MDN1: variants seen among roughly 807,000 people sequenced by gnomAD.
The protein encoded by MDN1 is midasin AAA ATPase 1, also known as midasin.
A neutral mutation model predicts 669.2 loss-of-function variants in MDN1; 266 were observed. The observed-to-expected ratio is 0.40, with a 90% CI of 0.36 to 0.44. The LOEUF (loss-of-function observed/expected upper bound fraction) is 0.44, where lower values mean the gene tolerates loss of function less well. MDN1 is among the 20% of genes least tolerant of loss of function. The pLI is 1.00. For missense variants in MDN1, 5,940 were observed against 6,754.0 expected (o/e 0.88, Z 4.22); for synonymous variants, 2,385 against 2,457.1 (o/e 0.97, Z 0.87).
intron 53 of MDN1, among the ~76,000 whole-genome samples, chr6:89,705,039 A>ACCTC (rs1399148013): frequency 6.6e-6 from 1 of 152,012 alleles, no homozygotes; most frequent in Non-Finnish European, 1.5e-5. Context: ...CTCCTTTCCA[A>ACCTC]CCTCCTAACT....
chr6:89,683,948 T>C (rs1811824817), intron 71 of MDN1, 44 bp from the exon 72 acceptor site: 1 of 1,406,316 alleles, frequency 7.1e-7, no homozygotes, highest in Non-Finnish European at 1.0e-6. Context: ...ATAAAGCTAG[T>C]GTCATTCTGT....
At chr6:89,728,874 GAC>G in intron 36 of MDN1, 55 bp downstream of exon 36, 1 of 1,507,982 alleles carries the variant, frequency 6.6e-7, no homozygotes, top group Non-Finnish European at 9.1e-7. Flanking sequence ...AATATAAATT[GAC>G]ACAGACATTA....
At chr6:89,793,611 A>T in intron 5 of MDN1, 151 bp downstream of exon 5, 2 of 586,976 alleles carry the variant, frequency 3.4e-6, no homozygotes, top group Non-Finnish European at 5.6e-6. Context: ...GAAAAGCCCA[A>T]GATGAATTTC....
intron 99 of MDN1, 129 bp from the exon 100 acceptor site, chr6:89,646,732 CT>C (rs1251492201): frequency 9.8e-6 from 7 of 714,772 alleles, no homozygotes; most frequent in Non-Finnish European, 1.5e-5. Context: ...AGACCATCAA[CT>C]AACTGTCCCT....
At chr6:89,674,790 A>C (rs1811072709) in intron 78 of MDN1, among the ~76,000 whole-genome samples, 1 of 152,204 alleles carries the variant, frequency 6.6e-6, no homozygotes, top group Non-Finnish European at 1.5e-5. Flanking sequence ...TTTCAGGAGA[A>C]GTATCACAAC....
intron 82 of MDN1, among the ~76,000 whole-genome samples, chr6:89,671,998 C>G (rs969260477): frequency 2.6e-5 from 4 of 152,206 alleles, no homozygotes. Context: ...TGCACCTATG[C>G]ATCTAACAAT....
intron 55 of MDN1, 144 bp downstream of exon 55, chr6:89,701,414 C>T: frequency 1.9e-6 from 2 of 1,052,756 alleles, no homozygotes; most frequent in Non-Finnish European, 2.8e-6. Flanking sequence ...TGGAACCAAT[C>T]ACCCCCAGAT....
At chr6:89,680,852 G>C in intron 73 of MDN1, 101 bp from the exon 74 acceptor site, 2 of 1,278,268 alleles carry the variant, frequency 1.6e-6, no homozygotes, top group Non-Finnish European at 2.1e-6. Flanking sequence ...CACATCCCTA[G>C]TTCAGCAAAT....
chr6:89,699,130 A>AT, intron 58 of MDN1, 95 bp from the exon 59 acceptor site: 3 of 1,179,616 alleles, frequency 2.5e-6, no homozygotes, highest in Admixed American at 2.7e-5. Flanking sequence ...TAAAACTGTC[A>AT]TAAGTTTAAA....
chr6:89,811,704 A>G (rs1292922012), intron 1 of MDN1, among the ~76,000 whole-genome samples: 1 of 151,992 alleles, frequency 6.6e-6, no homozygotes, highest in African/African-American at 2.4e-5. Flanking sequence ...TCAGCCTCCC[A>G]AAGTGCTGGG....
At chr6:89,727,318 C>G (rs1412040148) in intron 37 of MDN1, among the ~76,000 whole-genome samples, 2 of 152,138 alleles carry the variant, frequency 1.3e-5, no homozygotes, top group Non-Finnish European at 2.9e-5. Context: ...ATTGTACACC[C>G]CAAACTGACC....
chr6:89,732,048 G>A (rs148174295), intron 34 of MDN1, among the ~76,000 whole-genome samples: 1 of 151,600 alleles, frequency 6.6e-6, no homozygotes, highest in Non-Finnish European at 1.5e-5. Flanking sequence ...CCCAACCCCG[G>A]CCAATAAAAG....
chr6:89,661,886 A>G (rs117472277), intron 87 of MDN1, among the ~76,000 whole-genome samples: 2,553 of 152,324 alleles, frequency 0.017, 33 homozygotes, highest in Non-Finnish European at 0.026. Flanking sequence ...AGCCCAGACA[A>G]CATGTGGACT....
chr6:89,793,867 C>T lies in MDN1; in HGVS notation c.750G>A (p.Glu250=). The T allele has an allele frequency of 6.2e-7, 1 of 1,614,144 alleles. No individual in the cohort carries two copies. The highest frequency in any genetic ancestry group is 1.1e-5 in the South Asian group (1 of 91,086). ...CAAGATGTCCCTGTAAGTACTGCAG[C>T]TCCTTCTGCTTACGCCAAAGGGAGA... ...PEVSLWRKQK[E]LQYLQGHLVS... Residue 250 remains glutamate, a synonymous_variant, in exon 5 of 102, where the codon GAG becomes GAA. Coordinates refer to ENST00000369393, the MANE Select transcript of MDN1 (RefSeq NM_014611.3).
intron 83 of MDN1, among the ~76,000 whole-genome samples, chr6:89,668,943 T>C (rs1444753982): frequency 6.6e-6 from 1 of 152,258 alleles, no homozygotes; most frequent in African/African-American, 2.4e-5. Context: ...ATTCTCAGAA[T>C]GTTGATAGGA....
intron 15 of MDN1, among the ~76,000 whole-genome samples, chr6:89,763,165 C>A (rs1454542120): frequency 6.6e-6 from 1 of 151,978 alleles, no homozygotes; most frequent in East Asian, 1.9e-4. Context: ...AAAAAACCAT[C>A]CATATTTCAT....
intron 8 of MDN1, among the ~76,000 whole-genome samples, chr6:89,787,490 TGAA>T (rs1325707831): frequency 6.6e-6 from 1 of 152,208 alleles, no homozygotes; most frequent in Non-Finnish European, 1.5e-5. Context: ...AGCCACCATT[TGAA>T]GAAGGTATTA....
chr6:89,661,244 G>A (rs1202906867), intron 88 of MDN1, among the ~76,000 whole-genome samples, 187 bp downstream of exon 88: 1 of 152,194 alleles, frequency 6.6e-6, no homozygotes, highest in Non-Finnish European at 1.5e-5. Flanking sequence ...GCTGGTTGAT[G>A]AGCTGTAGGG....
chr6:89,789,281 C>T (rs1562221056), intron 7 of MDN1, among the ~76,000 whole-genome samples: 2 of 152,156 alleles, frequency 1.3e-5, no homozygotes, highest in Non-Finnish European at 2.9e-5. Context: ...CAGAAGTGGT[C>T]TTTTTACAAA....
Sources: gnomAD v4.1 joint callset for allele counts (sites outside exome capture counted in the v4.1 genomes callset) on GRCh38, gnomAD v4.1.1 for gene constraint, MANE v1.5 for transcripts, NCBI Gene and HGNC (gene_info 2026-07-23, HGNC 2026-07-21) for gene names.